Variants in PRKACB observed in about 807,000 individuals in gnomAD.
PRKACB encodes cAMP-dependent protein kinase catalytic subunit beta.
In PRKACB, 16 loss-of-function variants were observed where a neutral mutation model predicts 51.4. The ratio of observed to expected loss-of-function variants is 0.31; its 90% CI spans 0.21 to 0.47. The LOEUF is 0.47. Among genes scored for constraint, PRKACB ranks in the 20% least tolerant of loss-of-function variants. The probability of loss-of-function intolerance (pLI) is 1.00; values close to 1 mark genes in which losing one functional copy is unlikely to be tolerated. For synonymous variants in PRKACB, 147 were observed against 154.4 expected, an observed-to-expected ratio of 0.95 and a Z score of 0.35; for missense variants, 309 against 464.5, an observed-to-expected ratio of 0.67 and a Z score of 3.08.
At chr1:84,199,089 GTATATATGCATATATGTA>G (rs1669211568) in intron 7 of PRKACB, among the ~76,000 whole-genome samples, 1 of 76,446 alleles carries the variant, frequency 1.3e-5, no homozygotes, top group Admixed American at 1.3e-4. Context: ...ATATATATGC[GTATATATGCATATATGTA>G]TATATATGCA....
At chr1:84,086,924 G>C (rs1447696886) in intron 1 of PRKACB, among the ~76,000 whole-genome samples, 1 of 152,172 alleles carries the variant, frequency 6.6e-6, no homozygotes, top group East Asian at 1.9e-4. Context: ...TGAGCAGGGG[G>C]CTTAACTGTG....
chr1:84,114,467 T>G (rs1281169110), intron 1 of PRKACB, among the ~76,000 whole-genome samples: 1 of 152,142 alleles, frequency 6.6e-6, no homozygotes, highest in Non-Finnish European at 1.5e-5. Flanking sequence ...AGTGTTCTTT[T>G]TTTTTTATTT....
chr1:84,165,286 T>C (rs985911951), intron 1 of PRKACB, among the ~76,000 whole-genome samples: 1 of 151,884 alleles, frequency 6.6e-6, no homozygotes, highest in Non-Finnish European at 1.5e-5. Flanking sequence ...CTGTTATTAA[T>C]TGTGTTATAA....
chr1:84,135,808 A>G (rs1027519240), intron 1 of PRKACB, among the ~76,000 whole-genome samples: 1 of 152,102 alleles, frequency 6.6e-6, no homozygotes, highest in Non-Finnish European at 1.5e-5. Flanking sequence ...GTTCTAGAAA[A>G]GAAGAAAGAT....
At chr1:84,078,223 C>T in exon 1 of PRKACB, 1 of 1,364,722 alleles carries the variant, frequency 7.3e-7, no homozygotes. Context: ...GCACTCACCG[C>T]TCTGACGGGT....
At chr1:84,135,708 G>A (rs1396593863) in intron 1 of PRKACB, among the ~76,000 whole-genome samples, 2 of 152,064 alleles carry the variant, frequency 1.3e-5, no homozygotes, top group African/African-American at 4.8e-5. Flanking sequence ...AATATTTTAA[G>A]CTAAATGATA....
chr1:84,183,233 A>G (rs1435067879), intron 3 of PRKACB, among the ~76,000 whole-genome samples: 1 of 151,984 alleles, frequency 6.6e-6, no homozygotes, highest in Non-Finnish European at 1.5e-5. Context: ...ATGTCTTGCT[A>G]AAGTCACCAC....
chr1:84,114,130 CAGAA>C (rs1650444963), intron 1 of PRKACB, among the ~76,000 whole-genome samples: 1 of 151,794 alleles, frequency 6.6e-6, no homozygotes, highest in African/African-American at 2.4e-5. Flanking sequence ...AAAATGGAAA[CAGAA>C]AGAAACAGAC....
intron 7 of PRKACB, among the ~76,000 whole-genome samples, chr1:84,199,129 A>G (rs1234994179): frequency 6.8e-6 from 1 of 147,536 alleles, no homozygotes; most frequent in East Asian, 2.0e-4. Flanking sequence ...ATATATATAT[A>G]TATACACACA....
At chr1:84,174,967 G>A in intron 1 of PRKACB, 1 of 1,368,800 alleles carries the variant, frequency 7.3e-7, no homozygotes, top group Non-Finnish European at 9.6e-7. Context: ...ATGCGTATTG[G>A]TGACTTCATG....
chr1:84,082,968 T>A (rs1314944179), intron 1 of PRKACB, among the ~76,000 whole-genome samples: 1 of 152,228 alleles, frequency 6.6e-6, no homozygotes, highest in African/African-American at 2.4e-5. Context: ...TAAGCATTTA[T>A]AAACTTAGTG....
chr1:84,145,713 A>G (rs1297900548), intron 1 of PRKACB, among the ~76,000 whole-genome samples: 1 of 152,040 alleles, frequency 6.6e-6, no homozygotes, highest in African/African-American at 2.4e-5. Flanking sequence ...AGGAATATGA[A>G]TATATATCTT....
At chr1:84,180,026 A>G (rs1220066783) in intron 2 of PRKACB, among the ~76,000 whole-genome samples, 2 of 136,808 alleles carry the variant, frequency 1.5e-5, no homozygotes, top group African/African-American at 2.7e-5. Context: ...ACTCCCACTT[A>G]TGAGTGAGAA....
intron 9 of PRKACB, among the ~76,000 whole-genome samples, chr1:84,220,913 G>A (rs1180846019): frequency 6.6e-6 from 1 of 151,858 alleles, no homozygotes; most frequent in Non-Finnish European, 1.5e-5. Context: ...TTTTTTTGTT[G>A]TGTGCTTGTC....
In PRKACB at chr1:84,114,132, G is replaced by C. The variant is rs1381051554; in HGVS notation, c.46+35761G>C. Among the ~76,000 whole-genome samples the C allele has an allele frequency of 2.0e-5, 3 of 152,028 alleles. No individual in the cohort carries two copies. The East Asian group carries it at 5.8e-4, about 29-fold the overall frequency. Reference sequence around the variant, plus strand: ...TGTTAGGAGAAACAAAATGGAAACAGAAAGAAACAGACATGAACATGATGT... The same window carrying C: ...TGTTAGGAGAAACAAAATGGAAACACAAAGAAACAGACATGAACATGATGT... On this transcript the variant is annotated intron_variant, in intron 1 of 8. Transcript: ENST00000370688.
chr1:84,225,061 G>A (rs924582508), intron 9 of PRKACB, among the ~76,000 whole-genome samples: 1 of 152,200 alleles, frequency 6.6e-6, no homozygotes, highest in African/African-American at 2.4e-5. Flanking sequence ...CTCCCAGGTG[G>A]TGTGCTAGGG....
intron 8 of PRKACB, 37 bp downstream of exon 8, chr1:84,202,842 G>T: frequency 6.7e-7 from 1 of 1,500,424 alleles, no homozygotes; most frequent in Non-Finnish European, 9.1e-7. Flanking sequence ...TCTTATTACT[G>T]TATATGAATT....
chr1:84,086,805 C>T (rs931395121), intron 1 of PRKACB, among the ~76,000 whole-genome samples: 2 of 152,176 alleles, frequency 1.3e-5, no homozygotes, highest in Non-Finnish European at 2.9e-5. Flanking sequence ...AGCTAGCCTC[C>T]CGGGCAGGGG....
rs117298119 is a variant in PRKACB at position 84,166,767 on chromosome 1, G to A, written c.188-12410G>A. On this transcript the variant is annotated intron_variant, in intron 1 of 9. Coordinates refer to ENST00000370685, the MANE Select transcript of PRKACB (RefSeq NM_182948.4). ...TTTATGTGTACATGGTACTTTTCTC[G>A]TTATAAGACTATTCCTTTTATCCTT... 4.0e-5 allele frequency among the ~76,000 whole-genome samples: 6 copies of A among 151,690 alleles called. No individual in the cohort carries two copies. The East Asian group carries it at 7.8e-4, about 20-fold the overall frequency.
Sources: allele counts gnomAD v4.1 joint callset (sites outside exome capture counted in the v4.1 genomes callset), GRCh38; gene constraint gnomAD v4.1.1; transcripts MANE v1.5; gene names NCBI Gene and HGNC (gene_info 2026-07-23, HGNC 2026-07-21).